The following ALPK2 variants were observed in gnomAD, a reference collection of about 807,000 sequenced individuals.
ALPK2 encodes alpha-protein kinase 2.
ALPK2 carries 127 observed loss-of-function variants against 163.1 expected under a neutral mutation model. The ratio of observed to expected loss-of-function variants is 0.78; its 90% confidence interval spans 0.67 to 0.90. The LOEUF is 0.90. Among genes scored for constraint, ALPK2 ranks in the 40% least tolerant of loss-of-function variants. The pLI is 0.00. For missense variants in ALPK2, 2,360 were observed against 2,589.6 expected (o/e 0.91, Z 1.92); for synonymous variants, 953 against 959.1 (o/e 0.99, Z 0.12).
rs1243952066 is a variant in ALPK2 at position 58,557,335 on chromosome 18, TG to T, written c.1963-19112del. ...TCCTCTAGGGCAGAATCACACATGA[TG>T]GTGGGGGAGGCGTGTCATTAGACAT... On this transcript the variant is annotated intron_variant, in intron 4 of 12. Transcript: ENST00000361673. 18 of 152,246 alleles carry T rather than the reference TG, an allele frequency of 1.2e-4. No individual in the cohort carries two copies. The East Asian group carries it at 1.7e-3, about 15-fold the overall frequency. The allele number at this position is 152,246 out of a possible 1,614,324, so 9.4% of individuals were successfully genotyped here.
chr18:58,544,843 T>C (rs1266136723), intron 4 of ALPK2, among the ~76,000 whole-genome samples: 1 of 152,184 alleles, frequency 6.6e-6, no homozygotes, highest in African/African-American at 2.4e-5. Context: ...TCCCCTTGTC[T>C]CTTGCTACCT....
intron 1 of ALPK2, among the ~76,000 whole-genome samples, chr18:58,619,911 A>G (rs56078635): frequency 0.061 from 9,353 of 152,374 alleles, 398 homozygotes; most frequent in South Asian, 0.1. Context: ...TCTATTGGAA[A>G]TAACCTAACG....
At chr18:58,483,718 T>C (rs1178035880) in intron 12 of ALPK2, among the ~76,000 whole-genome samples, 1 of 125,922 alleles carries the variant, frequency 7.9e-6, no homozygotes, top group Non-Finnish European at 1.7e-5. Flanking sequence ...ACCCGGCTAA[T>C]TTTTTGTATT....
Position 58,579,370 on chromosome 18 carries a change from G to T in ALPK2, c.1406C>A (p.Thr469Asn), listed in dbSNP as rs2051942190. ...CTCTCTTGCTTGGTGGCTGTCTCTG[G>T]TTTCTCCTTGAATTCCTGGATAATC... ...ENDYPGIQGE[T>N]RDSHQAREEF... is the part of the protein sequence containing the mutation. Residue 469 changes from threonine to asparagine, a missense_variant, in exon 4 of 13, where the codon ACC becomes AAC. Physicochemically the swap from Thr to Asn is moderately conservative, Grantham distance 65. Coordinates refer to ENST00000361673, the MANE Select transcript of ALPK2 (RefSeq NM_052947.4). 1 of 1,613,994 alleles carries T rather than the reference G, an allele frequency of 6.2e-7. No individual in the cohort carries two copies. Among genetic ancestry groups the T allele is most frequent in the Admixed American group, 1.7e-5 (1 of 59,996 alleles).
chr18:58,518,447 C>G (rs2144127543), intron 8 of ALPK2, among the ~76,000 whole-genome samples: 1 of 152,198 alleles, frequency 6.6e-6, no homozygotes, highest in South Asian at 2.1e-4. Flanking sequence ...TAAAGGTGCT[C>G]CTAGCATTTT....
intron 1 of ALPK2, among the ~76,000 whole-genome samples, chr18:58,622,983 C>T (rs943194855): frequency 1.3e-5 from 2 of 152,118 alleles, no homozygotes; most frequent in East Asian, 1.9e-4. Flanking sequence ...CCCCGCCCCC[C>T]GACAGAAATA....
intron 1 of ALPK2, among the ~76,000 whole-genome samples, chr18:58,618,636 TTTGGGTTTAACA>T (rs1165548634): frequency 6.6e-6 from 1 of 152,266 alleles, no homozygotes; most frequent in African/African-American, 2.4e-5. Context: ...TGCCAGTGGC[TTTGGGTTTAACA>T]TTGGCAAGAT....
chr18:58,572,927 A>G (rs1338038299), intron 4 of ALPK2, among the ~76,000 whole-genome samples: 1 of 152,220 alleles, frequency 6.6e-6, no homozygotes, highest in Admixed American at 6.5e-5. Flanking sequence ...TGGTTATGAC[A>G]TTATACCATT....
chr18:58,492,664 T>G lies in ALPK2; in HGVS notation c.6296+5385A>C, dbSNP rs564991017. 1.6e-4 allele frequency among the ~76,000 whole-genome samples: 24 copies of G among 152,318 alleles called. 1 individual carries two copies. In the South Asian group the frequency reaches 4.6e-3, roughly 29 times the overall value. On this transcript the variant is annotated intron_variant, in intron 12 of 12. Coordinates refer to ENST00000361673, the MANE Select transcript of ALPK2 (RefSeq NM_052947.4). ...CTCTGTTCAGATTCATCTCTGAAGC[T>G]GGATGACAAGCGATGCAGCACCTGT...
chr18:58,537,641 A>T lies in ALPK2; in HGVS notation c.2546T>A (p.Val849Glu). 1 of 1,613,456 alleles carries T rather than the reference A, an allele frequency of 6.2e-7. No homozygotes were observed. Among genetic ancestry groups the T allele is most frequent in the Non-Finnish European group, 8.5e-7 (1 of 1,179,464 alleles). Reference sequence around the variant, plus strand: ...GTCATTAGAAGAACATAAATCAGATACTTTGTTTTGACCTTCTGCCAGTTC... The same window carrying T: ...GTCATTAGAAGAACATAAATCAGATTCTTTGTTTTGACCTTCTGCCAGTTC... ...DTELAEGQNK[V>E]SDLCSSNDKT... Residue 849 changes from valine (V) to glutamate (E), a missense_variant, in exon 5 of 13, where the codon GTA (valine) becomes GAA (glutamate). Physicochemically the swap from Val to Glu is moderately radical, Grantham distance 121. Coordinates refer to ENST00000361673, the MANE Select transcript of ALPK2 (RefSeq NM_052947.4).
At position 58,481,699 on chromosome 18, in the gene ALPK2, T is replaced by G; in HGVS notation, c.*124A>C. On this transcript the variant is annotated 3_prime_UTR_variant, in exon 13 of 13. Coordinates refer to ENST00000361673, the MANE Select transcript of ALPK2 (RefSeq NM_052947.4). ...GGTTTAGAAGCATCTTGGCGCACAG[T>G]CGGCTGGGAGTAAGGATTGCCACGC... 1 of 745,056 alleles carries G rather than the reference T, an allele frequency of 1.3e-6. No individual in the cohort carries two copies. Among genetic ancestry groups the G allele is most frequent in the Non-Finnish European group, 2.3e-6 (1 of 440,030 alleles). The allele number at this position is 745,056 out of a possible 1,614,324, so 46.2% of individuals were successfully genotyped here.
chr18:58,550,397 C>G (rs2051746385), intron 4 of ALPK2, among the ~76,000 whole-genome samples: 14 of 150,436 alleles, frequency 9.3e-5, no homozygotes, highest in Middle Eastern at 3.8e-3. Flanking sequence ...TCTCCATCAC[C>G]TACAACCCCA....
chr18:58,615,313 TGGC>T (rs1484005609), intron 1 of ALPK2, among the ~76,000 whole-genome samples: 2 of 151,804 alleles, frequency 1.3e-5, no homozygotes, highest in African/African-American at 4.9e-5. Flanking sequence ...AGGGGGACAG[TGGC>T]GGGCAGGGCA....
chr18:58,616,749 TA>T (rs1486925420), intron 1 of ALPK2, among the ~76,000 whole-genome samples: 1 of 152,232 alleles, frequency 6.6e-6, no homozygotes, highest in African/African-American at 2.4e-5. Context: ...CTTGTATCCT[TA>T]AAATAACCTT....
At chr18:58,622,685 C>T (rs79206902) in intron 1 of ALPK2, among the ~76,000 whole-genome samples, 3,788 of 152,158 alleles carry the variant, frequency 0.025, 144 homozygotes, top group African/African-American at 0.087. Context: ...TGTCATGGGC[C>T]GACTGCTCTG....
chr18:58,526,469 A>G (rs760367074), intron 6 of ALPK2, among the ~76,000 whole-genome samples: 3 of 152,154 alleles, frequency 2.0e-5, no homozygotes, highest in Non-Finnish European at 4.4e-5. Context: ...CCCAGCGGGA[A>G]CAACATGACC....
intron 3 of ALPK2, among the ~76,000 whole-genome samples, chr18:58,584,922 A>G (rs1254642051): frequency 1.3e-5 from 2 of 152,242 alleles, no homozygotes; most frequent in Admixed American, 1.3e-4. Context: ...TTTGACAGGA[A>G]TGCAAAACCA....
chr18:58,569,841 G>A (rs530386712), intron 4 of ALPK2, among the ~76,000 whole-genome samples: 5 of 152,284 alleles, frequency 3.3e-5, no homozygotes, highest in Admixed American at 6.5e-5. Flanking sequence ...AGAAACCTCC[G>A]CCCTTCTGGC....
chr18:58,498,811 A>G (rs1310227463), intron 11 of ALPK2, among the ~76,000 whole-genome samples: 1 of 152,094 alleles, frequency 6.6e-6, no homozygotes, highest in Non-Finnish European at 1.5e-5. Flanking sequence ...GCCTTCCACC[A>G]TGATTGTGAG....
Sources: gnomAD v4.1 joint callset for allele counts (sites outside exome capture counted in the v4.1 genomes callset) on GRCh38, gnomAD v4.1.1 for gene constraint, MANE v1.5 for transcripts, NCBI Gene and HGNC (gene_info 2026-07-23, HGNC 2026-07-21) for gene names.